Variants in ZNF304 observed in about 807,000 individuals in gnomAD.
The protein encoded by ZNF304 is zinc finger protein 304.
In ZNF304, 7 loss-of-function variants were observed where a neutral mutation model predicts 7.8. The ratio of observed to expected loss-of-function variants is 0.90; its 90% CI spans 0.51 to 1.69. The LOEUF (loss-of-function observed/expected upper bound fraction) is 1.69. ZNF304 is among the 40% of genes most tolerant of loss of function. ZNF304 has a pLI of 0.00. For missense variants in ZNF304, 669 were observed against 804.8 expected (o/e 0.83, Z 2.04); for synonymous variants, 280 against 272.4 (o/e 1.03, Z -0.27).
intron 1 of ZNF304, 88 bp from the exon 2 acceptor site, chr19:57,353,637 A>G (rs571415008): frequency 6.7e-7 from 1 of 1,493,898 alleles, no homozygotes; most frequent in Admixed American, 2.2e-5. Context: ...GAGGGACTAG[A>G]GAGTGGGTGT....
chr19:57,353,198 C>T (rs1317374715), intron 1 of ZNF304, among the ~76,000 whole-genome samples: 2 of 152,118 alleles, frequency 1.3e-5, no homozygotes, highest in Non-Finnish European at 2.9e-5. Flanking sequence ...TGTGAAGACG[C>T]GAGCGCTTCC....
At position 57,359,206 on chromosome 19, in the gene ZNF304, A is replaced by G. The variant is rs1250165832; in HGVS notation, c.*1357A>G. The G allele has an allele frequency of 2.0e-5, 3 of 152,194 alleles. No homozygotes were observed. Among genetic ancestry groups the G allele is most frequent in the Admixed American group, 6.5e-5 (1 of 15,286 alleles). The allele number at this position is 152,194 out of a possible 1,614,324, so 9.4% of individuals were successfully genotyped here. A position where few individuals can be genotyped will look rare whatever the true frequency, so the allele number is the denominator to read the frequency against. On this transcript the variant is annotated 3_prime_UTR_variant, in exon 3 of 3. Coordinates refer to ENST00000282286, the MANE Select transcript of ZNF304 (RefSeq NM_020657.4). ...GGGCAGTTGACCTGCACAGACAGGA[A>G]CCTCAGCAGTGACAGAAGAGAGATC...
At chr19:57,352,032 G>A (rs2088281721) in intron 1 of ZNF304, 1 of 306,568 alleles carries the variant, frequency 3.3e-6, no homozygotes, top group East Asian at 5.8e-5. Flanking sequence ...GTTTGGTACA[G>A]AGAAGGGAGG....
chr19:57,351,528 C>A lies in ZNF304; in HGVS notation c.-137C>A. 9.3e-7 allele frequency: 1 copy of A among 1,079,158 alleles called. No individual in the cohort carries two copies. Among genetic ancestry groups the A allele is most frequent in the South Asian group, 1.3e-5 (1 of 75,830 alleles). The allele number at this position is 1,079,158 out of a possible 1,614,324, so 66.8% of individuals were successfully genotyped here. A position where few individuals can be genotyped will look rare whatever the true frequency, so the allele number is the denominator to read the frequency against. ...TGTCCTTGTCTCCCCCAGAAGCAGCCGCCTTAGTCTTGTGAGCGTTTTTAC... is the reference window on the plus strand; with the variant it reads ...TGTCCTTGTCTCCCCCAGAAGCAGCAGCCTTAGTCTTGTGAGCGTTTTTAC... On this transcript the variant is annotated 5_prime_UTR_variant, in exon 1 of 3. Transcript: ENST00000282286. This position sits in a 1 kb window ranked among gnomAD's most constrained non-coding sequence, Gnocchi z 4.1.
At position 57,356,787 on chromosome 19, in the gene ZNF304, C is replaced by T; in HGVS notation, c.918C>T (p.His306=). 1 of 1,614,216 alleles carries T rather than the reference C, an allele frequency of 6.2e-7. No homozygotes were observed. Among genetic ancestry groups the T allele is most frequent in the Non-Finnish European group, 8.5e-7 (1 of 1,180,034 alleles). Residue 306 remains histidine, a synonymous_variant, in exon 3 of 3, where the codon CAC becomes CAT. Coordinates refer to ENST00000282286, the MANE Select transcript of ZNF304 (RefSeq NM_020657.4). ...MHQKFHTGKR[H]YTCSECGKAF... is the part of the protein sequence containing the mutation. The stretch of plus-strand genomic sequence containing the variant: ...AGAAATTTCACACTGGAAAAAGACA[C>T]TATACATGCAGTGAATGTGGGAAGG...
At position 57,356,581 on chromosome 19, in the gene ZNF304, C is replaced by G; in HGVS notation, c.712C>G (p.Leu238Val). 6.2e-7 allele frequency: 1 copy of G among 1,614,174 alleles called. No individual in the cohort carries two copies. The highest frequency in any genetic ancestry group is 8.5e-7 in the Non-Finnish European group (1 of 1,180,044). ...EGKAFLDTFT[L>V]LDSQMTHAEV... is the part of the protein sequence containing the mutation. ...GAAAGCCTTCCTGGACACCTTTACT[C>G]TTCTTGACAGCCAGATGACTCATGC... The change falls in exon 3 of 3, where the codon CTT becomes GTT. Residue 238 changes from leucine (L) to valine (V), a missense_variant. Coordinates refer to ENST00000282286, the MANE Select transcript of ZNF304 (RefSeq NM_020657.4).
chr19:57,355,464 C>A lies in ZNF304; in HGVS notation c.161-566C>A. 4.2e-6 allele frequency: 3 copies of A among 707,254 alleles called. No individual in the cohort carries two copies. In the South Asian group the frequency reaches 4.6e-5, roughly 11 times the overall value. The allele number at this position is 707,254 out of a possible 1,614,324, so 43.8% of individuals were successfully genotyped here. On this transcript the variant is annotated intron_variant, in intron 2 of 2. Transcript: ENST00000282286. ...AACCTTCAACTTGTTTTGTGTTTGT[C>A]AGTGTTTTGTTGCCAAGGCCCATAG...
chr19:57,352,143 G>T, intron 1 of ZNF304: 1 of 168,210 alleles, frequency 5.9e-6, no homozygotes, highest in Non-Finnish European at 1.3e-5. Flanking sequence ...TACTGAAATA[G>T]TCCAGGTGAG....
chr19:57,357,947 G>A lies in ZNF304; in HGVS notation c.*98G>A, dbSNP rs530266005. On this transcript the variant is annotated 3_prime_UTR_variant, in exon 3 of 3. Coordinates refer to ENST00000282286, the MANE Select transcript of ZNF304 (RefSeq NM_020657.4). The stretch of plus-strand genomic sequence containing the variant: ...CTCACACCAGAGCAATGCTCTGTGA[G>A]TACCCTTTGTGAGGGAACCATCAGC... 17 of 1,438,214 alleles carry A rather than the reference G, an allele frequency of 1.2e-5. No homozygotes were observed. The South Asian group carries it at 2.4e-4, about 20-fold the overall frequency. 89.1% of individuals were successfully genotyped at this position (1,438,214 alleles called of 1,614,324 possible).
At position 57,359,031 on chromosome 19, in the gene ZNF304, G is replaced by A. The variant is rs1368438389; in HGVS notation, c.*1182G>A. 1 of 152,136 alleles carries A rather than the reference G, an allele frequency of 6.6e-6. No individual in the cohort carries two copies. Among genetic ancestry groups the A allele is most frequent in the Non-Finnish European group, 1.5e-5 (1 of 68,032 alleles). 9.4% of individuals were successfully genotyped at this position (152,136 alleles called of 1,614,324 possible). A position where few individuals can be genotyped will look rare whatever the true frequency, so the allele number is the denominator to read the frequency against. ...AACAAAAGGAGATTCGAACATTCTA[G>A]AGGGGCATCCACAAGTCTCGGTGCA... On this transcript the variant is annotated 3_prime_UTR_variant, in exon 3 of 3. Transcript: ENST00000282286.
In ZNF304 at chr19:57,359,017, A is replaced by AT. The variant is rs2088387679; in HGVS notation, c.*1170dup. 1 of 152,098 alleles carries AT rather than the reference A, an allele frequency of 6.6e-6. No individual in the cohort carries two copies. The highest frequency in any genetic ancestry group is 1.5e-5 in the Non-Finnish European group (1 of 68,028). The allele number at this position is 152,098 out of a possible 1,614,324, so 9.4% of individuals were successfully genotyped here. On this transcript the variant is annotated 3_prime_UTR_variant, in exon 3 of 3. Coordinates refer to ENST00000282286, the MANE Select transcript of ZNF304 (RefSeq NM_020657.4). ...GGATGACTGTGGCAAACAAAAGGAG[A>AT]TTCGAACATTCTAGAGGGGCATCCA...
rs765229026 is a variant in ZNF304, at chr19:57,356,203, C to T, written c.334C>T (p.Leu112Phe). 4 of 1,614,206 alleles carry T rather than the reference C, an allele frequency of 2.5e-6. No individual in the cohort carries two copies. In the Admixed American group the frequency reaches 5.0e-5, roughly 20 times the overall value. The change falls in exon 3 of 3, where the codon CTT becomes TTT. Residue 112 changes from leucine (L) to phenylalanine (F), a missense_variant. By Grantham distance (22) the Leu-to-Phe change is conservative. Coordinates refer to ENST00000282286, the MANE Select transcript of ZNF304 (RefSeq NM_020657.4). ...CCTGGCTGAACACCAGGGATCACAC[C>T]TTACACAGAAACTGTGCACACGTGG... Reference protein sequence around the residue: ...LHLAEHQGSHLTQKLCTRGLC... With the variant: ...LHLAEHQGSHFTQKLCTRGLC...
At position 57,357,281 on chromosome 19, in the gene ZNF304, G is replaced by C; in HGVS notation, c.1412G>C (p.Gly471Ala). The C allele has an allele frequency of 6.2e-7, 1 of 1,614,206 alleles. No homozygotes were observed. Among genetic ancestry groups the C allele is most frequent in the Non-Finnish European group, 8.5e-7 (1 of 1,180,050 alleles). Residue 471 changes from glycine to alanine, a missense_variant, in exon 3 of 3, where the codon GGA becomes GCA. Transcript: ENST00000282286. ...TLVQHQIIHTGARPYECSECG... is the reference protein window; with the variant it reads ...TLVQHQIIHTAARPYECSECG... ...GTTCAGCACCAGATAATTCACACTG[G>C]AGCAAGGCCTTATGAGTGCAGTGAA...
In ZNF304 at chr19:57,356,394, C is replaced by G. The variant is rs1326069691; in HGVS notation, c.525C>G (p.Asp175Glu). The change falls in exon 3 of 3, where the codon GAC (aspartate) becomes GAG (glutamate). Residue 175 changes from aspartate (D) to glutamate (E), a missense_variant. Asp to Glu is a conservative substitution (Grantham distance 45). Coordinates refer to ENST00000282286, the MANE Select transcript of ZNF304 (RefSeq NM_020657.4). Reference sequence around the variant, plus strand: ...TTACGTGCAGGGAGGAAGGGATGGACTTACCAGATAGCTCTGGCCTTTTCC... The same window carrying G: ...TTACGTGCAGGGAGGAAGGGATGGAGTTACCAGATAGCTCTGGCCTTTTCC... ...RSFTCREEGM[D>E]LPDSSGLFQH... 5 of 1,614,214 alleles carry G rather than the reference C, an allele frequency of 3.1e-6. No homozygotes were observed. The East Asian group carries it at 6.7e-5, about 22-fold the overall frequency.
In ZNF304 at chr19:57,356,475, G is replaced by A. The variant is rs1180505681; in HGVS notation, c.606G>A (p.Glu202=). ...VSPCRRTECM[E]SFPHSSSLRQ... ...CATGCAGAAGGACTGAATGCATGGAGTCTTTCCCACACAGCTCCAGTCTCA... is the reference window on the plus strand; with the variant it reads ...CATGCAGAAGGACTGAATGCATGGAATCTTTCCCACACAGCTCCAGTCTCA... Residue 202 remains glutamate, a synonymous_variant, in exon 3 of 3, where the codon GAG becomes GAA. Coordinates refer to ENST00000282286, the MANE Select transcript of ZNF304 (RefSeq NM_020657.4). 1 of 1,614,168 alleles carries A rather than the reference G, an allele frequency of 6.2e-7. No homozygotes were observed. Among genetic ancestry groups the A allele is most frequent in the East Asian group, 2.2e-5 (1 of 44,890 alleles).
At chr19:57,354,596 A>C (rs892044247) in intron 2 of ZNF304, among the ~76,000 whole-genome samples, 5 of 152,212 alleles carry the variant, frequency 3.3e-5, no homozygotes, top group African/African-American at 1.2e-4. Flanking sequence ...CAGGATTGTA[A>C]CCTAATCTTG....
chr19:57,357,990 A>G lies in ZNF304; in HGVS notation c.*141A>G. ...CCATCAGCTAGCAGATGAGCACCGT[A>G]TATTCATTCCACCCTGGGGAGATTC... On this transcript the variant is annotated 3_prime_UTR_variant, in exon 3 of 3. Transcript: ENST00000282286. 9.5e-7 allele frequency: 1 copy of G among 1,047,910 alleles called. No individual in the cohort carries two copies. The highest frequency in any genetic ancestry group is 2.4e-5 in the East Asian group (1 of 41,168). The allele number at this position is 1,047,910 out of a possible 1,614,324, so 64.9% of individuals were successfully genotyped here. A position where few individuals can be genotyped will look rare whatever the true frequency, so the allele number is the denominator to read the frequency against.
Position 57,358,124 on chromosome 19 carries a change from A to G in ZNF304, c.*275A>G, listed in dbSNP as rs2088372747. On this transcript the variant is annotated 3_prime_UTR_variant, in exon 3 of 3. Transcript: ENST00000282286. ...ACTGCCAGTGCCTGTGGCGGAAGCC[A>G]TCTTATTGCTACCAGCTGTGTGTGT... The G allele has an allele frequency of 5.1e-6, 2 of 393,028 alleles. No homozygotes were observed. The highest frequency in any genetic ancestry group is 4.1e-5 in the Admixed American group (1 of 24,508). The allele number at this position is 393,028 out of a possible 1,614,324, so 24.3% of individuals were successfully genotyped here.
At position 57,353,756 on chromosome 19, in the gene ZNF304, A is replaced by G. The variant is rs2088303210; in HGVS notation, c.65A>G (p.Tyr22Cys). Residue 22 changes from tyrosine (Y) to cysteine (C), a missense_variant, in exon 2 of 3, where the codon TAC becomes TGC. Tyr to Cys is a radical substitution (Grantham distance 194, BLOSUM62 -2). Transcript: ENST00000282286. ...GTGACCTTCGAGGATGTGTTCGTGT[A>G]CTTCTCTCGGGAGGAGTGGGAACTC... is the stretch of plus-strand genomic sequence containing the variant. ...SCVTFEDVFVYFSREEWELLE... is the reference protein window; with the variant it reads ...SCVTFEDVFVCFSREEWELLE... The G allele has an allele frequency of 3.1e-6, 5 of 1,613,300 alleles. No homozygotes were observed. The highest frequency in any genetic ancestry group is 3.4e-6 in the Non-Finnish European group (4 of 1,179,628).
Sources: allele counts gnomAD v4.1 joint callset (sites outside exome capture counted in the v4.1 genomes callset), GRCh38; gene constraint gnomAD v4.1.1; non-coding constraint Gnocchi (gnomAD v3.1); transcripts MANE v1.5; gene names NCBI Gene and HGNC (gene_info 2026-07-23, HGNC 2026-07-21).